The following IGSF21 variants were observed in gnomAD, a reference collection of about 807,000 sequenced individuals.
IGSF21 encodes the protein immunoglobin superfamily member 21, also known as immunoglobulin superfamily member 21.
In IGSF21, 28 loss-of-function variants were observed where a neutral mutation model predicts 46.8. The observed-to-expected ratio is 0.60, with a 90% CI of 0.44 to 0.82. The LOEUF is 0.82. Ranked by LOEUF, IGSF21 falls within the 40% of genes least tolerant of loss-of-function variation. The pLI, the probability that IGSF21 is intolerant of heterozygous loss-of-function variation, is 0.00. For synonymous variants in IGSF21, 284 were observed against 273.6 expected (o/e 1.04, Z -0.38); for missense variants, 624 against 665.5 (o/e 0.94, Z 0.69).
At chr1:18,275,701 C>T (rs1158978542) in intron 2 of IGSF21, among the ~76,000 whole-genome samples, 1 of 152,186 alleles carries the variant, frequency 6.6e-6, no homozygotes, top group Non-Finnish European at 1.5e-5. Context: ...GATTCCTGGA[C>T]TAAAGTCTGT....
intron 1 of IGSF21, among the ~76,000 whole-genome samples, chr1:18,221,053 CT>C (rs1185626554): frequency 6.6e-6 from 1 of 150,634 alleles, no homozygotes; most frequent in East Asian, 2.0e-4. Context: ...ATGTTGCATA[CT>C]TTGTCACCAC....
intron 2 of IGSF21, among the ~76,000 whole-genome samples, chr1:18,237,626 C>A (rs1382812675): frequency 6.6e-6 from 1 of 152,208 alleles, no homozygotes; most frequent in Non-Finnish European, 1.5e-5. Flanking sequence ...CTCACCAAAG[C>A]AGAATTAAGA....
At chr1:18,177,669 T>C (rs1324311413) in intron 1 of IGSF21, among the ~76,000 whole-genome samples, 1 of 152,196 alleles carries the variant, frequency 6.6e-6, no homozygotes, top group East Asian at 1.9e-4. Flanking sequence ...AATGATCAAA[T>C]GTCTCATCCC....
intron 2 of IGSF21, among the ~76,000 whole-genome samples, chr1:18,262,143 G>A (rs1238851745): frequency 1.3e-5 from 2 of 152,278 alleles, no homozygotes; most frequent in East Asian, 3.9e-4. Flanking sequence ...CTGCCAAATC[G>A]GGACCGTACT....
In IGSF21 at chr1:18,202,764, A is replaced by G. The variant is rs144471300; in HGVS notation, c.71-25134A>G. Among the ~76,000 whole-genome samples, 380 of 152,352 alleles carry G rather than the reference A, an allele frequency of 2.5e-3. 1 individual carries two copies. Among genetic ancestry groups the G allele is most frequent in the African/African-American group, 9.0e-3 (375 of 41,580 alleles). ...GTTGAGATGAGACTTGGGTGGGGAC[A>G]CAAAGCCAAACCATATCAATCAGTA... On this transcript the variant is annotated intron_variant, in intron 1 of 9. Coordinates refer to ENST00000251296, the MANE Select transcript of IGSF21 (RefSeq NM_032880.5).
intron 2 of IGSF21, among the ~76,000 whole-genome samples, chr1:18,258,357 G>T (rs770624882): frequency 6.6e-6 from 1 of 152,208 alleles, no homozygotes; most frequent in African/African-American, 2.4e-5. Context: ...GCAAGAGAAG[G>T]GACTCAGTAA....
intron 1 of IGSF21, among the ~76,000 whole-genome samples, chr1:18,222,826 T>C (rs1570353771): frequency 6.6e-6 from 1 of 152,250 alleles, no homozygotes; most frequent in Admixed American, 6.5e-5. Flanking sequence ...AGAGGAGAAC[T>C]TTTCCTGTGT....
At chr1:18,208,460 C>A (rs954920773) in intron 1 of IGSF21, among the ~76,000 whole-genome samples, 4 of 144,178 alleles carry the variant, frequency 2.8e-5, no homozygotes, top group Non-Finnish European at 6.1e-5. Context: ...CGGCTCACTG[C>A]AAGTTCCGCC....
intron 4 of IGSF21, among the ~76,000 whole-genome samples, chr1:18,359,367 A>AAAGAAAGAAAGAAAGAAAGAAAGG (rs2086062435): frequency 1.0e-5 from 1 of 97,322 alleles, no homozygotes; most frequent in African/African-American, 3.6e-5. Flanking sequence ...AGAAAGAAAG[A>AAAGAAAGAAAGAAAGAAAGAAAGG]AAGAAAGAAA....
rs796231232 is a variant in IGSF21, at chr1:18,177,405, G to A, written c.71-50493G>A. ...TGGGGTCAGTGAGGTGTGTGTGTGT[G>A]TGTGTGTGTGTGTGTGTGTGTGTGT... On this transcript the variant is annotated intron_variant, in intron 1 of 9. Transcript: ENST00000251296. Among the ~76,000 whole-genome samples, 170 of 146,504 alleles carry A rather than the reference G, an allele frequency of 1.2e-3. 1 individual carries two copies. The highest frequency in any genetic ancestry group is 2.1e-3 in the South Asian group (10 of 4,666).
intron 4 of IGSF21, among the ~76,000 whole-genome samples, chr1:18,339,342 G>T (rs552647762): frequency 1.8e-4 from 27 of 152,278 alleles, no homozygotes; most frequent in Non-Finnish European, 3.5e-4. Flanking sequence ...TGACCCAAAG[G>T]CCATGAGTCA....
intron 2 of IGSF21, among the ~76,000 whole-genome samples, chr1:18,254,854 C>A (rs1247100113): frequency 1.8e-5 from 2 of 114,134 alleles, no homozygotes; most frequent in African/African-American, 7.9e-5. Context: ...ATCCATCCAT[C>A]CATTCATCCA....
intron 4 of IGSF21, among the ~76,000 whole-genome samples, chr1:18,349,920 T>C (rs146314625): frequency 6.6e-6 from 1 of 151,136 alleles, no homozygotes; most frequent in Non-Finnish European, 1.5e-5. Flanking sequence ...AAATTACAAA[T>C]ATAACAAATC....
intron 2 of IGSF21, among the ~76,000 whole-genome samples, chr1:18,268,030 G>A (rs957855925): frequency 6.6e-6 from 1 of 152,206 alleles, no homozygotes; most frequent in Admixed American, 6.5e-5. Context: ...ATCTTCGTCT[G>A]TTTTATTTGC....
intron 1 of IGSF21, among the ~76,000 whole-genome samples, chr1:18,215,602 A>C (rs1485490971): frequency 6.6e-6 from 1 of 152,164 alleles, no homozygotes; most frequent in Non-Finnish European, 1.5e-5. Flanking sequence ...AGGCCAAAGG[A>C]ACGGCAGGTG....
chr1:18,368,341 TA>T lies in IGSF21; in HGVS notation c.1015+2656del, dbSNP rs34608095. The stretch of plus-strand genomic sequence containing the variant: ...TAATGTGGTGAAACCCCATCTCTAC[TA>T]AAAAAAAAAAATACAAAACTTAGCT... On this transcript the variant is annotated intron_variant, in intron 6 of 9. Coordinates refer to ENST00000251296, the MANE Select transcript of IGSF21 (RefSeq NM_032880.5). Among the ~76,000 whole-genome samples the T allele has an allele frequency of 1.4e-3, 213 of 147,366 alleles. 1 individual carries two copies. Among genetic ancestry groups the T allele is most frequent in the Middle Eastern group, 3.4e-3 (1 of 290 alleles).
At chr1:18,364,870 C>T (rs914933105) in intron 5 of IGSF21, among the ~76,000 whole-genome samples, 2 of 152,132 alleles carry the variant, frequency 1.3e-5, no homozygotes, top group East Asian at 1.9e-4. Context: ...TGGTGTAGGC[C>T]GAAGTCCCCA....
chr1:18,347,325 G>A (rs2085904123), intron 4 of IGSF21, among the ~76,000 whole-genome samples: 1 of 152,192 alleles, frequency 6.6e-6, no homozygotes, highest in Non-Finnish European at 1.5e-5. Flanking sequence ...GCCCACAGAG[G>A]TCAGGAGACA....
chr1:18,376,483 C>T (rs145925043), intron 7 of IGSF21, 88 bp downstream of exon 7: 62 of 984,474 alleles, frequency 6.3e-5, no homozygotes, highest in Non-Finnish European at 8.9e-5. Context: ...TCCTCTCTAA[C>T]ACTCTTCCTT....
Sources: allele counts gnomAD v4.1 joint callset (sites outside exome capture counted in the v4.1 genomes callset), GRCh38; gene constraint gnomAD v4.1.1; transcripts MANE v1.5; gene names NCBI Gene and HGNC (gene_info 2026-07-23, HGNC 2026-07-21).